PACRG: variants seen among roughly 807,000 people sequenced by gnomAD.
The protein encoded by PACRG is parkin coregulated gene protein.
A neutral mutation model predicts 29.7 loss-of-function variants in PACRG; 29 were observed. That is an observed-to-expected ratio of 0.98 (90% confidence interval 0.73 to 1.33). The LOEUF is 1.33. PACRG is among the 40% of genes most tolerant of loss of function. PACRG has a pLI of 0.00. For synonymous variants in PACRG, 116 were observed against 118.7 expected (o/e 0.98, Z 0.15); for missense variants, 279 against 316.2 (o/e 0.88, Z 0.89).
At chr6:163,204,766 A>G (rs1429644069) in intron 4 of PACRG, among the ~76,000 whole-genome samples, 2 of 152,198 alleles carry the variant, frequency 1.3e-5, no homozygotes, top group African/African-American at 4.8e-5. Context: ...AGAAAAAGAG[A>G]GGAAGTCAAA....
chr6:163,111,059 C>T (rs1327069635), intron 4 of PACRG, among the ~76,000 whole-genome samples: 2 of 152,182 alleles, frequency 1.3e-5, no homozygotes, highest in Admixed American at 1.3e-4. Flanking sequence ...TTTCCTTCAA[C>T]CTCAGTGCAT....
At chr6:163,004,966 G>A (rs1804929241) in intron 2 of PACRG, among the ~76,000 whole-genome samples, 1 of 151,750 alleles carries the variant, frequency 6.6e-6, no homozygotes, top group Non-Finnish European at 1.5e-5. Flanking sequence ...AAGAATGCCA[G>A]CTTTATATGA....
intron 4 of PACRG, among the ~76,000 whole-genome samples, chr6:163,255,169 A>G (rs1170728572): frequency 6.6e-6 from 1 of 152,180 alleles, no homozygotes; most frequent in African/African-American, 2.4e-5. Context: ...GCCCGGCTGC[A>G]GAGTTCTGTG....
rs1779422511 is a variant in PACRG, at chr6:162,728,167, G to T, written c.-69G>T. On this transcript the variant is annotated 5_prime_UTR_variant, in exon 1 of 5. Coordinates refer to ENST00000366888, the MANE Select transcript of PACRG (RefSeq NM_001080379.2). ...TTTGATATTTTTTTCCAGACCTCCT[G>T]CTCACATCCGTAAAGCCCACTGATT... The T allele has an allele frequency of 6.4e-7, 1 of 1,557,510 alleles. No individual in the cohort carries two copies. Among genetic ancestry groups the T allele is most frequent in the Non-Finnish European group, 8.7e-7 (1 of 1,146,348 alleles).
At chr6:163,272,892 C>CTTTTTTTTTT (rs200076248) in intron 4 of PACRG, among the ~76,000 whole-genome samples, 1,992 of 109,268 alleles carry the variant, frequency 0.018, 226 homozygotes, top group Non-Finnish European at 0.022. Flanking sequence ...ATGCATCATT[C>CTTTTTTTTTT]TTTTTTTTTT....
chr6:163,176,579 A>G (rs1779371900), intron 4 of PACRG, among the ~76,000 whole-genome samples: 2 of 152,118 alleles, frequency 1.3e-5, no homozygotes, highest in African/African-American at 4.8e-5. Context: ...AAGGCAAAAA[A>G]GGGGAGAAAC....
At chr6:163,014,546 G>C (rs908710542) in intron 2 of PACRG, among the ~76,000 whole-genome samples, 2 of 150,916 alleles carry the variant, frequency 1.3e-5, no homozygotes, top group Non-Finnish European at 2.9e-5. Flanking sequence ...CTTAATAATA[G>C]CCATTCTGAC....
intron 1 of PACRG, among the ~76,000 whole-genome samples, chr6:162,797,700 A>T (rs1785501772): frequency 2.0e-5 from 3 of 152,162 alleles, no homozygotes; most frequent in African/African-American, 7.2e-5. Context: ...CAATTATGAT[A>T]AGGTAGCACT....
At chr6:163,103,675 T>C (rs1815225102) in intron 4 of PACRG, among the ~76,000 whole-genome samples, 1 of 152,216 alleles carries the variant, frequency 6.6e-6, no homozygotes, top group Admixed American at 6.5e-5. Context: ...TGGAGGAACA[T>C]CTGTAGAATT....
chr6:163,122,094 A>G (rs905277471), intron 4 of PACRG, among the ~76,000 whole-genome samples: 6 of 152,180 alleles, frequency 3.9e-5, no homozygotes, highest in Non-Finnish European at 8.8e-5. Flanking sequence ...ATACTATTAG[A>G]TACCTACTAT....
intron 4 of PACRG, among the ~76,000 whole-genome samples, chr6:163,198,816 T>C (rs745774864): frequency 6.6e-6 from 1 of 152,024 alleles, no homozygotes; most frequent in Non-Finnish European, 1.5e-5. Context: ...CCCAAGGCGG[T>C]TGGGGCACAG....
Position 163,041,989 on chromosome 6 carries a change from C to T in PACRG, c.292-20161C>T, listed in dbSNP as rs565970256. Among the ~76,000 whole-genome samples, 17 of 152,322 alleles carry T rather than the reference C, an allele frequency of 1.1e-4. No individual in the cohort carries two copies. In the South Asian group the frequency reaches 2.7e-3, roughly 24 times the overall value. ...CAAGCGATTCTCCTGCCTCAGCCTC[C>T]TGAGTAGCTGGAATAACAGGCATGC... is the stretch of plus-strand genomic sequence containing the variant. On this transcript the variant is annotated intron_variant, in intron 2 of 4. Transcript: ENST00000366888.
intron 2 of PACRG, among the ~76,000 whole-genome samples, chr6:162,893,056 C>T (rs545800018): frequency 6.6e-6 from 1 of 152,268 alleles, no homozygotes; most frequent in South Asian, 2.1e-4. Context: ...TCAGGAGCCT[C>T]GGCCCACACC....
intron 2 of PACRG, among the ~76,000 whole-genome samples, chr6:162,954,702 A>G (rs1799894131): frequency 6.6e-6 from 1 of 152,164 alleles, no homozygotes; most frequent in Admixed American, 6.5e-5. Flanking sequence ...AAGAAACTGT[A>G]CTGATGAATG....
chr6:162,829,235 C>G (rs1788536411), intron 2 of PACRG, among the ~76,000 whole-genome samples: 1 of 152,152 alleles, frequency 6.6e-6, no homozygotes, highest in Non-Finnish European at 1.5e-5. Context: ...AGAGGGCACA[C>G]GAAAGCAAGC....
intron 4 of PACRG, among the ~76,000 whole-genome samples, chr6:163,161,795 A>T (rs79130001): frequency 0.046 from 7,036 of 152,238 alleles, 242 homozygotes; most frequent in Admixed American, 0.1. Flanking sequence ...GCTCCGTTGC[A>T]CTACCCAGCA....
At chr6:163,024,479 C>G (rs183708841) in intron 2 of PACRG, among the ~76,000 whole-genome samples, 26 of 152,264 alleles carry the variant, frequency 1.7e-4, no homozygotes, top group Admixed American at 1.1e-3. Context: ...TTACTATAGG[C>G]TTACAGTATG....
chr6:163,240,414 TG>T (rs1379418702), intron 4 of PACRG, among the ~76,000 whole-genome samples: 1 of 152,196 alleles, frequency 6.6e-6, no homozygotes, highest in African/African-American at 2.4e-5. Flanking sequence ...CCCGTCCTCG[TG>T]AAGACTTCCA....
intron 4 of PACRG, among the ~76,000 whole-genome samples, chr6:163,098,803 G>A (rs978997337): frequency 6.6e-6 from 1 of 152,196 alleles, no homozygotes; most frequent in Non-Finnish European, 1.5e-5. Flanking sequence ...TTGAAGATAT[G>A]CTAAACAACG....
Sources: gnomAD v4.1 joint callset for allele counts (sites outside exome capture counted in the v4.1 genomes callset) on GRCh38, gnomAD v4.1.1 for gene constraint, MANE v1.5 for transcripts, NCBI Gene and HGNC (gene_info 2026-07-23, HGNC 2026-07-21) for gene names.